RBFOX1: variants seen among roughly 807,000 people sequenced by gnomAD.
The protein encoded by RBFOX1 is RNA binding protein fox-1 homolog 1.
In RBFOX1, 8 loss-of-function variants were observed where a neutral mutation model predicts 57.7. That is an observed-to-expected ratio of 0.14 (90% CI 0.08 to 0.25). The LOEUF is 0.25. Ranked by LOEUF, RBFOX1 falls within the 10% of genes least tolerant of loss-of-function variation. The pLI is 1.00. For synonymous variants in RBFOX1, 326 were observed against 222.4 expected, an observed-to-expected ratio of 1.47 and a Z score of -4.15; for missense variants, 611 against 548.5, an observed-to-expected ratio of 1.11 and a Z score of -1.14.
chr16:6,541,101 A>G (rs116254137), intron 2 of RBFOX1, among the ~76,000 whole-genome samples: 67 of 152,336 alleles, frequency 4.4e-4, no homozygotes, highest in African/African-American at 1.6e-3. Flanking sequence ...AGTAAAAGAA[A>G]CCTGTGTTTC....
At chr16:6,076,334 G>A (rs11644319) in intron 1 of RBFOX1, among the ~76,000 whole-genome samples, 57,877 of 149,182 alleles carry the variant, frequency 0.39, 12,113 homozygotes, top group Non-Finnish European at 0.49. Flanking sequence ...AAACACACGC[G>A]CACACACACA....
At chr16:6,478,426 T>TAC (rs1567369253) in intron 2 of RBFOX1, among the ~76,000 whole-genome samples, 23 of 16,608 alleles carry the variant, frequency 1.4e-3, no homozygotes, top group African/African-American at 5.5e-3. Flanking sequence ...TATATATATA[T>TAC]ATATTTTTTT....
chr16:7,445,088 G>A (rs2098798117), intron 4 of RBFOX1, among the ~76,000 whole-genome samples: 1 of 142,608 alleles, frequency 7.0e-6, no homozygotes, highest in Non-Finnish European at 1.5e-5. Flanking sequence ...ATACTGTCTT[G>A]TCAGCTGGGG....
In RBFOX1 at chr16:7,463,405, GAC is replaced by G. The variant is rs529000770; in HGVS notation, c.28-54738_28-54737del. On this transcript the variant is annotated intron_variant, in intron 4 of 15. Transcript: ENST00000550418. The stretch of plus-strand genomic sequence containing the variant: ...TGTAATCTCCGATACTCGGGAGGCT[GAC>G]ACAGGATAATCACTTGAACCCGGGA... Among the ~76,000 whole-genome samples the G allele has an allele frequency of 1.1e-4, 16 of 152,306 alleles. No individual in the cohort carries two copies. The East Asian group carries it at 2.9e-3, about 28-fold the overall frequency.
chr16:5,913,238 T>G (rs2058640951), intron 4 of RBFOX1, among the ~76,000 whole-genome samples: 1 of 152,200 alleles, frequency 6.6e-6, no homozygotes, highest in South Asian at 2.1e-4. Flanking sequence ...CACGGTTATT[T>G]ATTGGGACTT....
At chr16:5,444,758 C>G (rs1444656027) in intron 1 of RBFOX1, among the ~76,000 whole-genome samples, 1 of 152,200 alleles carries the variant, frequency 6.6e-6, no homozygotes, top group Non-Finnish European at 1.5e-5. Context: ...GTGCCAGGCA[C>G]TGTATTCACC....
intron 2 of RBFOX1, among the ~76,000 whole-genome samples, chr16:6,417,268 G>A (rs1307321694): frequency 6.6e-6 from 1 of 151,488 alleles, no homozygotes; most frequent in East Asian, 2.0e-4. Flanking sequence ...CCTTGGCTGT[G>A]GAAAGTGCTG....
At chr16:5,285,564 A>G (rs539065148) in intron 1 of RBFOX1, among the ~76,000 whole-genome samples, 2 of 152,294 alleles carry the variant, frequency 1.3e-5, no homozygotes, top group South Asian at 4.1e-4. Flanking sequence ...TGTGCCTCTG[A>G]CATAACCGTC....
At chr16:6,540,543 C>G (rs2096799588) in intron 2 of RBFOX1, among the ~76,000 whole-genome samples, 1 of 139,662 alleles carries the variant, frequency 7.2e-6, no homozygotes, top group Admixed American at 7.9e-5. Flanking sequence ...ACCTGGGAGG[C>G]CGAGGTTGCA....
At chr16:6,639,103 C>G (rs2098466520) in intron 2 of RBFOX1, among the ~76,000 whole-genome samples, 1 of 152,226 alleles carries the variant, frequency 6.6e-6, no homozygotes, top group African/African-American at 2.4e-5. Context: ...TTCTTGCAAA[C>G]TGGCAGCTCA....
chr16:5,482,322 G>A (rs1476361771), intron 2 of RBFOX1, among the ~76,000 whole-genome samples: 5 of 152,076 alleles, frequency 3.3e-5, no homozygotes, highest in African/African-American at 4.8e-5. Context: ...CACACCATTC[G>A]GTACTGGGAG....
At chr16:6,642,799 T>C (rs959715687) in intron 2 of RBFOX1, among the ~76,000 whole-genome samples, 1 of 152,092 alleles carries the variant, frequency 6.6e-6, no homozygotes, top group South Asian at 2.1e-4. Flanking sequence ...AGAGAAAATA[T>C]CCCCTTAGGC....
At chr16:7,412,652 A>G (rs2098440731) in intron 4 of RBFOX1, among the ~76,000 whole-genome samples, 1 of 152,228 alleles carries the variant, frequency 6.6e-6, no homozygotes, top group Admixed American at 6.5e-5. Flanking sequence ...GATTTCTCCC[A>G]TGTCTGTTAG....
chr16:5,697,289 A>G (rs2151473755), intron 3 of RBFOX1, among the ~76,000 whole-genome samples: 1 of 151,998 alleles, frequency 6.6e-6, no homozygotes, highest in East Asian at 1.9e-4. Context: ...TCTCTTTCCA[A>G]CCTAAATAAA....
chr16:6,780,421 T>TATATATATATTG (rs2080734961), intron 3 of RBFOX1, among the ~76,000 whole-genome samples: 1 of 114,188 alleles, frequency 8.8e-6, no homozygotes, highest in Non-Finnish European at 1.6e-5. Context: ...TATATATATT[T>TATATATATATTG]ATATATATTT....
chr16:6,937,415 T>G (rs534827850), intron 3 of RBFOX1, among the ~76,000 whole-genome samples: 409 of 152,254 alleles, frequency 2.7e-3, no homozygotes, highest in Non-Finnish European at 4.2e-3. Context: ...TTTTTTATAG[T>G]TTTCTATGTG....
chr16:7,022,078 C>G (rs1286120184), intron 3 of RBFOX1, among the ~76,000 whole-genome samples: 1 of 119,896 alleles, frequency 8.3e-6, no homozygotes, highest in African/African-American at 3.1e-5. Flanking sequence ...CTTTCCTTTC[C>G]TTTCCACAGG....
intron 3 of RBFOX1, among the ~76,000 whole-genome samples, chr16:5,784,689 C>T (rs1314563627): frequency 4.6e-5 from 7 of 152,166 alleles, no homozygotes; most frequent in Non-Finnish European, 1.0e-4. Flanking sequence ...GAAATCATGT[C>T]AGTAAGGCCT....
At chr16:6,570,718 A>C (rs2097333510) in intron 2 of RBFOX1, among the ~76,000 whole-genome samples, 1 of 152,212 alleles carries the variant, frequency 6.6e-6, no homozygotes, top group Non-Finnish European at 1.5e-5. Flanking sequence ...CTACTCAGGA[A>C]AAGTTATAGC....
Sources: allele counts gnomAD v4.1 joint callset (sites outside exome capture counted in the v4.1 genomes callset), GRCh38; gene constraint gnomAD v4.1.1; transcripts MANE v1.5; gene names NCBI Gene and HGNC (gene_info 2026-07-23, HGNC 2026-07-21).